Variants in EXOC6B observed in about 807,000 individuals in gnomAD.
EXOC6B encodes the protein SEC15 homolog B.
Under a neutral mutation model 113.5 loss-of-function variants are expected in EXOC6B, and 54 were observed. The observed-to-expected ratio is 0.48, with a 90% CI of 0.38 to 0.60. The LOEUF is 0.60. EXOC6B is among the 20% of genes least tolerant of loss of function. The pLI, the probability that EXOC6B is intolerant of heterozygous loss-of-function variation, is 0.00. For synonymous variants in EXOC6B, 357 were observed against 339.0 expected, an observed-to-expected ratio of 1.05 and a Z score of -0.58; for missense variants, 797 against 977.5, an observed-to-expected ratio of 0.82 and a Z score of 2.46.
At chr2:72,260,423 A>G (rs1310452910) in intron 20 of EXOC6B, among the ~76,000 whole-genome samples, 1 of 152,224 alleles carries the variant, frequency 6.6e-6, no homozygotes, top group Non-Finnish European at 1.5e-5. Flanking sequence ...GTGCGAGGCA[A>G]CAATTATGAG....
At chr2:72,401,087 T>G (rs567432360) in intron 18 of EXOC6B, among the ~76,000 whole-genome samples, 5 of 151,922 alleles carry the variant, frequency 3.3e-5, no homozygotes, top group African/African-American at 9.6e-5. Flanking sequence ...TATATATATA[T>G]ATAGATAAAT....
rs574834666 is a variant in EXOC6B, at chr2:72,648,854, A to C, written c.669+69249T>G. On this transcript the variant is annotated intron_variant, in intron 6 of 21. Coordinates refer to ENST00000272427, the MANE Select transcript of EXOC6B (RefSeq NM_015189.3). ...TGATTTGTGGGAGCTAAAAATTAAA[A>C]TAACTGAGGCCAGGTGTGCTGGCTC... Among the ~76,000 whole-genome samples the C allele has an allele frequency of 1.5e-3, 234 of 152,326 alleles. 1 individual carries two copies. The highest frequency in any genetic ancestry group is 5.3e-3 in the African/African-American group (221 of 41,582).
chr2:72,697,973 T>C (rs974118611), intron 6 of EXOC6B, among the ~76,000 whole-genome samples: 9 of 152,294 alleles, frequency 5.9e-5, no homozygotes, highest in African/African-American at 2.2e-4. Context: ...TTTCTTAGCA[T>C]GGCATATTTC....
At chr2:72,448,016 A>G (rs193071922) in intron 18 of EXOC6B, among the ~76,000 whole-genome samples, 106 of 152,314 alleles carry the variant, frequency 7.0e-4, no homozygotes, top group African/African-American at 2.5e-3. Flanking sequence ...TTAATCAGTA[A>G]CTTCCCGTAT....
At chr2:72,765,482 G>A (rs144589134) in intron 1 of EXOC6B, among the ~76,000 whole-genome samples, 15 of 152,170 alleles carry the variant, frequency 9.9e-5, no homozygotes, top group Non-Finnish European at 1.9e-4. Flanking sequence ...AGACCAGCCT[G>A]GCTAACATGG....
At chr2:72,775,494 CCA>C (rs1291839767) in intron 1 of EXOC6B, among the ~76,000 whole-genome samples, 1 of 152,126 alleles carries the variant, frequency 6.6e-6, no homozygotes, top group African/African-American at 2.4e-5. Context: ...TATTATTATG[CCA>C]CAGTCCAAAA....
At chr2:72,548,969 G>A (rs982576745) in intron 8 of EXOC6B, among the ~76,000 whole-genome samples, 3 of 151,904 alleles carry the variant, frequency 2.0e-5, no homozygotes, top group Non-Finnish European at 4.4e-5. Context: ...CCAAGATCGC[G>A]CCACTGCACT....
chr2:72,252,731 G>A (rs1005221755), intron 20 of EXOC6B, among the ~76,000 whole-genome samples: 1 of 152,180 alleles, frequency 6.6e-6, no homozygotes, highest in African/African-American at 2.4e-5. Flanking sequence ...CAGGGAGGGA[G>A]GGGAGCATGG....
chr2:72,300,489 A>G (rs752157463), intron 20 of EXOC6B, among the ~76,000 whole-genome samples: 1 of 152,200 alleles, frequency 6.6e-6, no homozygotes, highest in Non-Finnish European at 1.5e-5. Flanking sequence ...AAGCCAGACC[A>G]CGTGGCTGCC....
intron 6 of EXOC6B, among the ~76,000 whole-genome samples, chr2:72,594,560 T>G (rs1558827302): frequency 6.6e-6 from 1 of 152,084 alleles, no homozygotes; most frequent in Non-Finnish European, 1.5e-5. Flanking sequence ...AGAAAGACAA[T>G]TATATATGTT....
chr2:72,412,322 G>A (rs1694236825), intron 18 of EXOC6B, among the ~76,000 whole-genome samples: 1 of 152,190 alleles, frequency 6.6e-6, no homozygotes, highest in South Asian at 2.1e-4. Context: ...GTGAACAGAG[G>A]TGAAATAAAA....
chr2:72,689,879 T>C (rs192221861), intron 6 of EXOC6B, among the ~76,000 whole-genome samples: 2 of 152,298 alleles, frequency 1.3e-5, no homozygotes, highest in Non-Finnish European at 2.9e-5. Context: ...AAATATCCAG[T>C]GGAGTATTGC....
chr2:72,434,690 C>T (rs1380934470), intron 18 of EXOC6B, among the ~76,000 whole-genome samples: 10 of 152,088 alleles, frequency 6.6e-5, no homozygotes, highest in Non-Finnish European at 1.3e-4. Context: ...AGTTTATTTG[C>T]GTAGAGGTGT....
intron 20 of EXOC6B, among the ~76,000 whole-genome samples, chr2:72,316,327 T>C (rs1175329085): frequency 6.6e-6 from 1 of 152,196 alleles, no homozygotes; most frequent in Non-Finnish European, 1.5e-5. Flanking sequence ...ATGAACCATC[T>C]AGCTGCATGG....
At chr2:72,531,812 T>G (rs1336922175) in intron 8 of EXOC6B, among the ~76,000 whole-genome samples, 1 of 151,850 alleles carries the variant, frequency 6.6e-6, no homozygotes, top group Non-Finnish European at 1.5e-5. Flanking sequence ...GGTGAAACCC[T>G]GTCTCTACTA....
chr2:72,253,773 T>G (rs1427900749), intron 20 of EXOC6B, among the ~76,000 whole-genome samples: 3 of 152,084 alleles, frequency 2.0e-5, no homozygotes, highest in Non-Finnish European at 4.4e-5. Flanking sequence ...GGTGACAAAA[T>G]AATCTGCACA....
At chr2:72,356,128 AT>A (rs1164412993) in intron 19 of EXOC6B, among the ~76,000 whole-genome samples, 2 of 152,210 alleles carry the variant, frequency 1.3e-5, no homozygotes, top group African/African-American at 4.8e-5. Context: ...CATTTCCAAG[AT>A]TTATTTAATT....
At chr2:72,397,196 T>C (rs1179018103) in intron 18 of EXOC6B, among the ~76,000 whole-genome samples, 2 of 152,146 alleles carry the variant, frequency 1.3e-5, no homozygotes, top group Non-Finnish European at 2.9e-5. Context: ...GACTTTAATA[T>C]AATTGTGATG....
At chr2:72,320,894 G>T (rs1044989454) in intron 20 of EXOC6B, among the ~76,000 whole-genome samples, 4 of 151,912 alleles carry the variant, frequency 2.6e-5, no homozygotes, top group African/African-American at 9.7e-5. Context: ...CAAAAGAAGA[G>T]ATACAAATAC....
Sources: gnomAD v4.1 joint callset for allele counts (sites outside exome capture counted in the v4.1 genomes callset) on GRCh38, gnomAD v4.1.1 for gene constraint, MANE v1.5 for transcripts, NCBI Gene and HGNC (gene_info 2026-07-23, HGNC 2026-07-21) for gene names.